CDH19: variants seen among roughly 807,000 people sequenced by gnomAD.
CDH19 encodes cadherin-19.
Under a neutral mutation model 64.2 loss-of-function variants are expected in CDH19, and 67 were observed. The observed-to-expected ratio is 1.04, with a 90% CI of 0.86 to 1.28. The LOEUF (loss-of-function observed/expected upper bound fraction) is 1.28, where lower values mean the gene tolerates loss of function less well. CDH19 is among the 50% of genes most tolerant of loss of function. The pLI is 0.00. For synonymous variants in CDH19, 346 were observed against 319.3 expected (o/e 1.08, Z -0.89); for missense variants, 1,030 against 929.0 (o/e 1.11, Z -1.41).
Position 66,585,558 on chromosome 18 carries a change from A to C in CDH19, c.-112-13242T>G, listed in dbSNP as rs1325729274. ...TTGATGAAATGAGTTGCTGCATCCA[A>C]AATACTGTCCGGCACGTATTAAGAG... On this transcript the variant is annotated intron_variant, in intron 1 of 11. Coordinates refer to ENST00000262150, the MANE Select transcript of CDH19 (RefSeq NM_021153.4). Among the ~76,000 whole-genome samples the C allele has an allele frequency of 2.0e-5, 3 of 152,216 alleles. No homozygotes were observed. The East Asian group carries it at 5.8e-4, about 29-fold the overall frequency.
At chr18:66,563,225 G>A (rs1987787468) in intron 3 of CDH19, among the ~76,000 whole-genome samples, 1 of 152,034 alleles carries the variant, frequency 6.6e-6, no homozygotes, top group Non-Finnish European at 1.5e-5. Flanking sequence ...GAATACTAAA[G>A]TACAGGTGCC....
intron 1 of CDH19, among the ~76,000 whole-genome samples, chr18:66,575,618 T>C (rs551543789): frequency 6.6e-6 from 1 of 151,960 alleles, no homozygotes; most frequent in East Asian, 1.9e-4. Flanking sequence ...GCCGTATTCC[T>C]AATCTTCAAT....
chr18:66,595,603 C>T (rs2144637963), intron 1 of CDH19, among the ~76,000 whole-genome samples: 1 of 148,528 alleles, frequency 6.7e-6, no homozygotes, highest in East Asian at 2.0e-4. Context: ...AAACATACAA[C>T]CACCCAAGAC....
intron 1 of CDH19, among the ~76,000 whole-genome samples, chr18:66,587,728 G>A (rs534727201): frequency 2.0e-5 from 3 of 152,156 alleles, no homozygotes; most frequent in African/African-American, 4.8e-5. Context: ...CCAAGCCTGC[G>A]TCACTGAGTG....
At chr18:66,586,932 A>G (rs1988596611) in intron 1 of CDH19, among the ~76,000 whole-genome samples, 1 of 152,044 alleles carries the variant, frequency 6.6e-6, no homozygotes, top group African/African-American at 2.4e-5. Context: ...TTTATCTTAT[A>G]TTAACATTTT....
At chr18:66,563,277 G>T (rs1205561639) in intron 3 of CDH19, among the ~76,000 whole-genome samples, 3 of 151,954 alleles carry the variant, frequency 2.0e-5, no homozygotes, top group Non-Finnish European at 4.4e-5. Flanking sequence ...TCCAGCTGTA[G>T]ATTTCAAAAT....
intron 9 of CDH19, among the ~76,000 whole-genome samples, chr18:66,521,496 T>G (rs565036875): frequency 1.3e-5 from 2 of 149,016 alleles, no homozygotes; most frequent in Non-Finnish European, 3.0e-5. Context: ...CTCACTTATC[T>G]CTGGCCTTTA....
At chr18:66,544,668 A>G (rs1274486600) in intron 6 of CDH19, 51 bp downstream of exon 6, 1 of 1,234,586 alleles carries the variant, frequency 8.1e-7, no homozygotes, top group Admixed American at 2.4e-5. Context: ...AAAATATGTT[A>G]TGTTTTAATT....
At chr18:66,526,215 T>C (rs1392071497) in intron 9 of CDH19, among the ~76,000 whole-genome samples, 1 of 152,130 alleles carries the variant, frequency 6.6e-6, no homozygotes, top group Admixed American at 6.5e-5. Context: ...TTATATGATG[T>C]TGAGAAAGTT....
At chr18:66,598,640 A>T (rs1273359590) in intron 1 of CDH19, among the ~76,000 whole-genome samples, 4 of 152,154 alleles carry the variant, frequency 2.6e-5, no homozygotes. Context: ...CATTGAGTAC[A>T]CATGGACAGC....
At chr18:66,557,338 C>T (rs1288259211) in intron 3 of CDH19, among the ~76,000 whole-genome samples, 1 of 151,982 alleles carries the variant, frequency 6.6e-6, no homozygotes, top group Admixed American at 6.6e-5. Context: ...ACATTTTTTA[C>T]TGATGCTTCA....
chr18:66,537,651 T>C (rs1986727099), intron 7 of CDH19, among the ~76,000 whole-genome samples: 1 of 152,062 alleles, frequency 6.6e-6, no homozygotes, highest in Non-Finnish European at 1.5e-5. Context: ...TTTAATACTT[T>C]CTTTCTGGAA....
chr18:66,603,928 A>T (rs975325554), intron 1 of CDH19, 26 bp downstream of exon 1: 1 of 152,146 alleles, frequency 6.6e-6, no homozygotes, highest in Admixed American at 6.5e-5. Context: ...TGTAGTTTAT[A>T]ATATGCCTGA....
chr18:66,576,016 A>G (rs2144591082), intron 1 of CDH19, among the ~76,000 whole-genome samples: 1 of 151,846 alleles, frequency 6.6e-6, no homozygotes, highest in African/African-American at 2.4e-5. Flanking sequence ...GTACATGCGC[A>G]TATAATAAAC....
chr18:66,565,978 A>T (rs1003563223), intron 3 of CDH19, among the ~76,000 whole-genome samples: 2 of 151,912 alleles, frequency 1.3e-5, no homozygotes, highest in Non-Finnish European at 2.9e-5. Flanking sequence ...GCACAAAGAG[A>T]TTTGTGCTTG....
intron 9 of CDH19, among the ~76,000 whole-genome samples, chr18:66,512,036 A>C (rs564023867): frequency 6.6e-6 from 1 of 151,390 alleles, no homozygotes; most frequent in Non-Finnish European, 1.5e-5. Flanking sequence ...CTTTTTCTTT[A>C]TCTGAATGTC....
chr18:66,575,101 C>A (rs1291012121), intron 1 of CDH19, among the ~76,000 whole-genome samples: 2 of 151,930 alleles, frequency 1.3e-5, no homozygotes, highest in South Asian at 2.1e-4. Flanking sequence ...ATTGTTGCAT[C>A]TCCTTTTTTC....
chr18:66,519,592 T>C (rs1985893436), intron 9 of CDH19, among the ~76,000 whole-genome samples: 3 of 152,172 alleles, frequency 2.0e-5, no homozygotes, highest in Admixed American at 6.5e-5. Context: ...TGGTTTCCTA[T>C]ACATGTGATT....
At chr18:66,521,922 TTGTTGTTGTTGTTGTTG>T (rs1986006771) in intron 9 of CDH19, among the ~76,000 whole-genome samples, 7 of 109,082 alleles carry the variant, frequency 6.4e-5, no homozygotes, top group South Asian at 2.6e-4. Flanking sequence ...TGTTCTGTTG[TTGTTGTTGTTGTTGTTG>T]TTGTTGTTGT....
Sources: gnomAD v4.1 joint callset for allele counts (sites outside exome capture counted in the v4.1 genomes callset) on GRCh38, gnomAD v4.1.1 for gene constraint, MANE v1.5 for transcripts, NCBI Gene and HGNC (gene_info 2026-07-23, HGNC 2026-07-21) for gene names.